COL15A1: variants seen among roughly 807,000 people sequenced by gnomAD.
The protein encoded by COL15A1 is collagen alpha-1(XV) chain.
COL15A1 carries 111 observed loss-of-function variants against 165.9 expected under a neutral mutation model. The observed-to-expected ratio is 0.67, with a 90% CI of 0.57 to 0.78. COL15A1 has a LOEUF of 0.78. Among genes scored for constraint, COL15A1 ranks in the 30% least tolerant of loss-of-function variants. COL15A1 has a pLI of 0.00. For missense variants in COL15A1, 1,745 were observed against 1,789.7 expected (o/e 0.98, Z 0.45); for synonymous variants, 659 against 674.8 (o/e 0.98, Z 0.36).
intron 5 of COL15A1, among the ~76,000 whole-genome samples, chr9:98,993,794 C>T (rs1205938267): frequency 6.6e-6 from 1 of 152,174 alleles, no homozygotes; most frequent in Non-Finnish European, 1.5e-5. Context: ...GGGAATTTCC[C>T]TCTTCAGCTC....
intron 2 of COL15A1, among the ~76,000 whole-genome samples, chr9:98,949,820 G>C (rs944050015): frequency 4.1e-4 from 62 of 152,248 alleles, no homozygotes; most frequent in African/African-American, 1.5e-3. Context: ...AAATATCTAT[G>C]CCCATTAATC....
chr9:99,023,470 G>T, intron 14 of COL15A1, 21 bp downstream of exon 14: 1 of 1,101,508 alleles, frequency 9.1e-7, no homozygotes, highest in South Asian at 1.3e-5. Flanking sequence ...AGGAGGACAC[G>T]ACCTGGTGTC....
At chr9:98,956,068 G>A (rs543510124) in intron 2 of COL15A1, among the ~76,000 whole-genome samples, 1 of 152,340 alleles carries the variant, frequency 6.6e-6, no homozygotes, top group African/African-American at 2.4e-5. Context: ...CACTTTGGGA[G>A]GCCAAGGCAG....
chr9:99,049,813 T>C, intron 29 of COL15A1, 41 bp from the exon 30 acceptor site: 1 of 1,614,218 alleles, frequency 6.2e-7, no homozygotes, highest in Non-Finnish European at 8.5e-7. Context: ...TGGAGTCAGG[T>C]GTCCTGTTGA....
intron 36 of COL15A1, 125 bp downstream of exon 36, chr9:99,060,078 C>A: frequency 1.0e-6 from 1 of 984,878 alleles, no homozygotes; most frequent in Non-Finnish European, 1.5e-6. Flanking sequence ...AGGCTTGGTG[C>A]AATTCCATAA....
intron 13 of COL15A1, 105 bp from the exon 14 acceptor site, chr9:99,023,252 T>C: frequency 7.2e-7 from 1 of 1,380,996 alleles, no homozygotes. Context: ...TATCGGGCTA[T>C]AGGATATAGG....
At chr9:98,989,099 C>A in intron 4 of COL15A1, 79 bp from the exon 5 acceptor site, 1 of 1,072,510 alleles carries the variant, frequency 9.3e-7, no homozygotes, top group Admixed American at 1.7e-5. Context: ...TTGTCAGTTT[C>A]TGTAACTTTC....
chr9:98,993,932 A>G (rs983907074), intron 5 of COL15A1, among the ~76,000 whole-genome samples: 3 of 152,018 alleles, frequency 2.0e-5, no homozygotes, highest in Non-Finnish European at 2.9e-5. Context: ...TGAATTGCAG[A>G]CTTTCTGAGT....
Position 99,062,266 on chromosome 9 carries a change from C to T in COL15A1, c.3553C>T (p.Pro1185Ser). The T allele has an allele frequency of 6.2e-7, 1 of 1,613,752 alleles. No individual in the cohort carries two copies. Among genetic ancestry groups the T allele is most frequent in the Non-Finnish European group, 8.5e-7 (1 of 1,179,642 alleles). Residue 1185 changes from proline to serine, a missense_variant, in exon 38 of 42, where the codon CCT (proline) becomes TCT (serine). Physicochemically the swap from Pro to Ser is moderately conservative, Grantham distance 74. Coordinates refer to ENST00000375001, the MANE Select transcript of COL15A1 (RefSeq NM_001855.5). ...KLQLGELIPI[P>S]ADSPPPPALS... ...AAAGCTGGGAGAACTGATCCCCATTCCTGCCGACAGCCCTCCACCCCCTGC... is the reference window on the plus strand; with the variant it reads ...AAAGCTGGGAGAACTGATCCCCATTTCTGCCGACAGCCCTCCACCCCCTGC...
chr9:98,952,529 G>C (rs1837705417), intron 2 of COL15A1, among the ~76,000 whole-genome samples: 1 of 152,066 alleles, frequency 6.6e-6, no homozygotes, highest in South Asian at 2.1e-4. Flanking sequence ...TCTACAGCTT[G>C]ATCACTTAAA....
intron 9 of COL15A1, among the ~76,000 whole-genome samples, chr9:99,013,751 A>T (rs777806669): frequency 1.3e-5 from 2 of 152,176 alleles, no homozygotes; most frequent in Non-Finnish European, 2.9e-5. Context: ...GAATCTGCTC[A>T]TGACTCTTGA....
intron 35 of COL15A1, 87 bp downstream of exon 35, chr9:99,056,491 A>T: frequency 1.3e-6 from 2 of 1,490,572 alleles, no homozygotes; most frequent in Non-Finnish European, 8.9e-7. Context: ...TCACAGCTGC[A>T]CTGCCTAACA....
intron 6 of COL15A1, 34 bp from the exon 7 acceptor site, chr9:99,000,805 T>C: frequency 6.2e-6 from 6 of 972,892 alleles, no homozygotes; most frequent in Non-Finnish European, 1.0e-5. Context: ...CTGCAAAATG[T>C]AGTTATTGAT....
At chr9:98,987,563 G>T (rs1254900265) in intron 4 of COL15A1, among the ~76,000 whole-genome samples, 195 bp downstream of exon 4, 1 of 152,226 alleles carries the variant, frequency 6.6e-6, no homozygotes, top group African/African-American at 2.4e-5. Flanking sequence ...GTGGGGAGCT[G>T]TGTTTCTTAT....
chr9:98,974,558 G>A (rs1013073473), intron 2 of COL15A1, among the ~76,000 whole-genome samples: 2 of 152,178 alleles, frequency 1.3e-5, no homozygotes, highest in South Asian at 2.1e-4. Context: ...TGCTGCAGGC[G>A]CAGAGGAGGG....
chr9:98,978,249 C>T (rs945086745), intron 2 of COL15A1, among the ~76,000 whole-genome samples: 3 of 152,338 alleles, frequency 2.0e-5, no homozygotes, highest in South Asian at 4.1e-4. Flanking sequence ...ATCTACTGGC[C>T]ATGGGAAGCA....
At chr9:98,946,899 T>C (rs969731162) in intron 2 of COL15A1, among the ~76,000 whole-genome samples, 7 of 152,248 alleles carry the variant, frequency 4.6e-5, no homozygotes. Flanking sequence ...TTGTAACCAC[T>C]ATGCTGTATG....
intron 2 of COL15A1, among the ~76,000 whole-genome samples, chr9:98,949,695 C>T (rs970397369): frequency 2.0e-5 from 3 of 152,204 alleles, no homozygotes; most frequent in Non-Finnish European, 2.9e-5. Flanking sequence ...GTGAAATTTA[C>T]ATTATATAAC....
At chr9:99,021,481 G>C (rs1839026172) in intron 12 of COL15A1, among the ~76,000 whole-genome samples, 2 of 152,132 alleles carry the variant, frequency 1.3e-5, no homozygotes, top group South Asian at 4.1e-4. Context: ...CACTTCTCTG[G>C]GCCCTTTTTG....
Sources: gnomAD v4.1 joint callset for allele counts (sites outside exome capture counted in the v4.1 genomes callset) on GRCh38, gnomAD v4.1.1 for gene constraint, MANE v1.5 for transcripts, NCBI Gene and HGNC (gene_info 2026-07-23, HGNC 2026-07-21) for gene names.